AP3B1: variants seen among roughly 807,000 people sequenced by gnomAD.
AP3B1 encodes adaptor related protein complex 3 subunit beta 1.
Under a neutral mutation model 132.5 loss-of-function variants are expected in AP3B1, and 61 were observed. The observed-to-expected ratio is 0.46, with a 90% CI of 0.37 to 0.57. The LOEUF (loss-of-function observed/expected upper bound fraction) is 0.57, where lower values mean the gene tolerates loss of function less well. Ranked by LOEUF, AP3B1 falls within the 20% of genes least tolerant of loss-of-function variation. The probability of loss-of-function intolerance (pLI) is 0.00; values close to 1 mark genes in which losing one functional copy is unlikely to be tolerated. For synonymous variants in AP3B1, 388 were observed against 438.3 expected, an observed-to-expected ratio of 0.89 and a Z score of 1.43; for missense variants, 1,120 against 1,289.4, an observed-to-expected ratio of 0.87 and a Z score of 2.01.
chr5:78,036,325 AC>A (rs945675753), intron 23 of AP3B1, among the ~76,000 whole-genome samples: 2 of 152,134 alleles, frequency 1.3e-5, no homozygotes, highest in Non-Finnish European at 2.9e-5. Flanking sequence ...GGGAAAGCTT[AC>A]CCAATTAGGT....
At chr5:78,172,849 T>C (rs1475037900) in intron 11 of AP3B1, among the ~76,000 whole-genome samples, 1 of 152,248 alleles carries the variant, frequency 6.6e-6, no homozygotes, top group Non-Finnish European at 1.5e-5. Flanking sequence ...TTAACTGTGA[T>C]GTTAGGGTGT....
intron 7 of AP3B1, among the ~76,000 whole-genome samples, chr5:78,182,063 A>G (rs1209363714): frequency 1.3e-5 from 2 of 152,196 alleles, no homozygotes; most frequent in African/African-American, 4.8e-5. Context: ...AAAAAAGAGG[A>G]GCATTGTTTG....
At chr5:78,177,592 C>A (rs1744200785) in intron 8 of AP3B1, among the ~76,000 whole-genome samples, 156 bp from the exon 9 acceptor site, 1 of 152,126 alleles carries the variant, frequency 6.6e-6, no homozygotes, top group South Asian at 2.1e-4. Flanking sequence ...AAGTGTCCCC[C>A]ACTCCCAGTG....
At chr5:78,135,192 T>TA (rs1169166513) in intron 15 of AP3B1, among the ~76,000 whole-genome samples, 2 of 152,036 alleles carry the variant, frequency 1.3e-5, no homozygotes, top group Non-Finnish European at 2.9e-5. Context: ...TCACTAAGAG[T>TA]AAAAAAGAAC....
intron 23 of AP3B1, among the ~76,000 whole-genome samples, chr5:78,035,504 G>A (rs1747774131): frequency 6.6e-6 from 1 of 151,980 alleles, no homozygotes; most frequent in Non-Finnish European, 1.5e-5. Flanking sequence ...AACCACGACA[G>A]AGATGATGGT....
At chr5:78,015,625 C>A (rs982885359) in intron 25 of AP3B1, 77 bp from the exon 26 acceptor site, 6 of 1,494,434 alleles carry the variant, frequency 4.0e-6, no homozygotes, top group African/African-American at 2.8e-5. Flanking sequence ...AGCTCATGGC[C>A]AAAATTTTAA....
chr5:78,192,903 G>A (rs1324133713), intron 7 of AP3B1, among the ~76,000 whole-genome samples: 1 of 152,138 alleles, frequency 6.6e-6, no homozygotes, highest in African/African-American at 2.4e-5. Context: ...CCAGTCTCCA[G>A]AACTGTGAGA....
chr5:78,049,597 C>G (rs926520060), intron 22 of AP3B1, among the ~76,000 whole-genome samples: 5 of 152,154 alleles, frequency 3.3e-5, no homozygotes, highest in South Asian at 2.1e-4. Flanking sequence ...AGGGAGTCAT[C>G]ATGGATGAAA....
intron 7 of AP3B1, among the ~76,000 whole-genome samples, chr5:78,204,625 C>G (rs191402954): frequency 2.0e-5 from 3 of 152,308 alleles, no homozygotes; most frequent in African/African-American, 4.8e-5. Flanking sequence ...TCTATTGCCC[C>G]AAGGGGCATT....
At chr5:78,075,543 G>A (rs1210089548) in intron 22 of AP3B1, among the ~76,000 whole-genome samples, 1 of 152,076 alleles carries the variant, frequency 6.6e-6, no homozygotes, top group South Asian at 2.1e-4. Context: ...GCCAATTTTC[G>A]ACAATAGCAA....
intron 24 of AP3B1, among the ~76,000 whole-genome samples, chr5:78,029,312 A>G (rs1332830267): frequency 6.6e-6 from 1 of 152,160 alleles, no homozygotes; most frequent in Non-Finnish European, 1.5e-5. Context: ...TGAACACAAA[A>G]TATTTTATTA....
intron 22 of AP3B1, among the ~76,000 whole-genome samples, chr5:78,054,508 C>T (rs578069453): frequency 1.8e-4 from 25 of 138,780 alleles, no homozygotes; most frequent in African/African-American, 3.1e-4. Context: ...ACAATGATTT[C>T]GTCAAGACAG....
Position 78,030,301 on chromosome 5 carries a change from T to C in AP3B1, c.2894+4060A>G, listed in dbSNP as rs923333773. ...TACAGGCATGCATCACCATGCCTGG[T>C]TCTGTCTCAGATTTAAGAAAATATT... On this transcript the variant is annotated intron_variant, in intron 24 of 26. Coordinates refer to ENST00000255194, the MANE Select transcript of AP3B1 (RefSeq NM_003664.5). Among the ~76,000 whole-genome samples, 3 of 152,130 alleles carry C rather than the reference T, an allele frequency of 2.0e-5. No individual in the cohort carries two copies. In the East Asian group the frequency reaches 5.8e-4, roughly 29 times the overall value.
chr5:78,196,846 G>A (rs1407317293), intron 7 of AP3B1, among the ~76,000 whole-genome samples: 1 of 152,162 alleles, frequency 6.6e-6, no homozygotes, highest in East Asian at 1.9e-4. Flanking sequence ...AAAAAGACTA[G>A]TGACTGCCAG....
At chr5:78,084,647 A>G (rs540723917) in intron 22 of AP3B1, among the ~76,000 whole-genome samples, 37 of 151,810 alleles carry the variant, frequency 2.4e-4, no homozygotes, top group Admixed American at 1.6e-3. Context: ...TTCCATTTCT[A>G]TTTTACAAGT....
chr5:78,095,745 T>TA (rs981197363), intron 21 of AP3B1, among the ~76,000 whole-genome samples: 1 of 152,252 alleles, frequency 6.6e-6, no homozygotes, highest in African/African-American at 2.4e-5. Flanking sequence ...CAGCACCTAC[T>TA]AAAGTACCTT....
At chr5:78,152,981 C>T (rs1469776348) in intron 14 of AP3B1, among the ~76,000 whole-genome samples, 1 of 152,078 alleles carries the variant, frequency 6.6e-6, no homozygotes, top group African/African-American at 2.4e-5. Flanking sequence ...AAGAATGATC[C>T]ATGTGCTGAT....
chr5:78,128,498 A>G (rs189494702), intron 16 of AP3B1, among the ~76,000 whole-genome samples: 11 of 152,290 alleles, frequency 7.2e-5, no homozygotes, highest in Admixed American at 5.2e-4. Flanking sequence ...CCAGAATTTT[A>G]ATAGTTTTTC....
At chr5:78,065,191 G>A (rs186768699) in intron 22 of AP3B1, among the ~76,000 whole-genome samples, 150 of 152,280 alleles carry the variant, frequency 9.9e-4, no homozygotes, top group Non-Finnish European at 4.1e-4. Flanking sequence ...TGTGCAAGAC[G>A]CAGATCAGAA....
Sources: gnomAD v4.1 joint callset for allele counts (sites outside exome capture counted in the v4.1 genomes callset) on GRCh38, gnomAD v4.1.1 for gene constraint, MANE v1.5 for transcripts, NCBI Gene and HGNC (gene_info 2026-07-23, HGNC 2026-07-21) for gene names.